The following MTHFD1L variants were observed in gnomAD, a reference collection of about 807,000 sequenced individuals.
MTHFD1L encodes methylenetetrahydrofolate dehydrogenase (NADP+ dependent) 1 like.
In MTHFD1L, 81 loss-of-function variants were observed where a neutral mutation model predicts 119.5. The observed-to-expected ratio is 0.68, with a 90% CI of 0.57 to 0.82. The LOEUF is 0.82. MTHFD1L is among the 40% of genes least tolerant of loss of function. MTHFD1L has a pLI of 0.00. For missense variants in MTHFD1L, 1,125 were observed against 1,253.4 expected (o/e 0.90, Z 1.55); for synonymous variants, 430 against 475.2 (o/e 0.90, Z 1.24).
At position 150,969,279 on chromosome 6, in the gene MTHFD1L, G is replaced by C. The variant is rs368499169; in HGVS notation, c.2014-2668G>C. ...TTATAGGTGTGAGCCACCGTGCCCG[G>C]CCTGAGCACTTTTTAAAACATAATC... On this transcript the variant is annotated intron_variant, in intron 19 of 27. Transcript: ENST00000367321. 3.4e-4 allele frequency among the ~76,000 whole-genome samples: 52 copies of C among 152,302 alleles called. 1 individual carries two copies. In the South Asian group the frequency reaches 9.9e-3, roughly 29 times the overall value.
chr6:151,042,880 A>G (rs182531628), intron 26 of MTHFD1L, among the ~76,000 whole-genome samples: 10 of 152,308 alleles, frequency 6.6e-5, no homozygotes, highest in Admixed American at 6.5e-4. Flanking sequence ...ACATGAAAAT[A>G]CAGTAAATAG....
intron 20 of MTHFD1L, among the ~76,000 whole-genome samples, chr6:150,978,121 G>A (rs567480956): frequency 2.0e-5 from 3 of 151,946 alleles, no homozygotes; most frequent in East Asian, 1.9e-4. Context: ...GGCTGGTCTC[G>A]AACTGACCTC....
At chr6:151,089,919 A>G (rs1462697692) in intron 26 of MTHFD1L, among the ~76,000 whole-genome samples, 1 of 152,184 alleles carries the variant, frequency 6.6e-6, no homozygotes, top group Non-Finnish European at 1.5e-5. Context: ...GTCCCCACCT[A>G]CAAGCAGGTC....
At chr6:151,019,360 G>C (rs1263467950) in intron 24 of MTHFD1L, among the ~76,000 whole-genome samples, 1 of 152,072 alleles carries the variant, frequency 6.6e-6, no homozygotes, top group Non-Finnish European at 1.5e-5. Flanking sequence ...AAAGAGGTCA[G>C]TAATCAGAAG....
At chr6:150,866,407 G>C (rs1778324646) in intron 1 of MTHFD1L, 8 of 1,365,344 alleles carry the variant, frequency 5.9e-6, no homozygotes, top group Non-Finnish European at 7.5e-6. Flanking sequence ...CGGTGCGGCT[G>C]GGGCGGAAAC....
At chr6:151,004,317 T>C (rs550388649) in intron 20 of MTHFD1L, among the ~76,000 whole-genome samples, 1 of 152,208 alleles carries the variant, frequency 6.6e-6, no homozygotes, top group East Asian at 1.9e-4. Context: ...AGAATGAGAC[T>C]CCATCTCAAA....
intron 18 of MTHFD1L, among the ~76,000 whole-genome samples, chr6:150,963,583 T>A (rs548676069): frequency 6.6e-6 from 1 of 152,284 alleles, no homozygotes; most frequent in East Asian, 1.9e-4. Flanking sequence ...ACCAATCACA[T>A]GAGAGAAACA....
At chr6:151,068,519 G>T (rs541470308) in intron 26 of MTHFD1L, among the ~76,000 whole-genome samples, 1 of 152,098 alleles carries the variant, frequency 6.6e-6, no homozygotes, top group African/African-American at 2.4e-5. Flanking sequence ...TACAACATCC[G>T]TATGCTTTCC....
chr6:150,908,158 T>G (rs1786257069), intron 8 of MTHFD1L, among the ~76,000 whole-genome samples: 1 of 150,130 alleles, frequency 6.7e-6, no homozygotes, highest in South Asian at 2.2e-4. Flanking sequence ...TCCACCCACC[T>G]CGGCCTCCCA....
At chr6:150,900,052 C>T (rs1784880540) in intron 7 of MTHFD1L, among the ~76,000 whole-genome samples, 1 of 149,704 alleles carries the variant, frequency 6.7e-6, no homozygotes, top group Non-Finnish European at 1.5e-5. Context: ...AATGAATAAA[C>T]AAGGCATCTG....
chr6:150,991,246 A>G (rs1488744593), intron 20 of MTHFD1L, among the ~76,000 whole-genome samples: 1 of 151,934 alleles, frequency 6.6e-6, no homozygotes, highest in Non-Finnish European at 1.5e-5. Flanking sequence ...TTAAACATAA[A>G]GCTTCCAGGA....
At chr6:151,060,362 A>G (rs1790471745) in intron 26 of MTHFD1L, among the ~76,000 whole-genome samples, 1 of 152,200 alleles carries the variant, frequency 6.6e-6, no homozygotes, top group African/African-American at 2.4e-5. Context: ...TTTAATATTT[A>G]TTGAGGAGTG....
intron 10 of MTHFD1L, among the ~76,000 whole-genome samples, chr6:150,924,120 C>A (rs1255379882): frequency 1.3e-5 from 2 of 152,168 alleles, no homozygotes; most frequent in Admixed American, 1.3e-4. Context: ...GATTTCTAGA[C>A]CCACTGGGCA....
At chr6:151,015,732 C>T (rs751188022) in intron 24 of MTHFD1L, 39 bp downstream of exon 24, 2 of 1,597,118 alleles carry the variant, frequency 1.3e-6, no homozygotes, top group East Asian at 4.5e-5. Context: ...ATTTCTTACA[C>T]CTTAGCATGG....
At chr6:151,037,702 G>A (rs1198939647) in intron 26 of MTHFD1L, among the ~76,000 whole-genome samples, 1 of 152,180 alleles carries the variant, frequency 6.6e-6, no homozygotes, top group Non-Finnish European at 1.5e-5. Flanking sequence ...TAAAGGAGAT[G>A]GGCAGATAAA....
At chr6:151,034,975 G>A (rs1479704005) in intron 25 of MTHFD1L, among the ~76,000 whole-genome samples, 1 of 136,358 alleles carries the variant, frequency 7.3e-6, no homozygotes, top group Non-Finnish European at 1.6e-5. Context: ...CTTCCTTACA[G>A]GCCTCTTACT....
Position 150,887,842 on chromosome 6 carries a change from T to C in MTHFD1L, c.644-3T>C, listed in dbSNP as rs763170805. ...TAATATTGAATTTTCATTTGGTTAG[T>C]AGGTGTCAACCTAGATGGAAAGAAG... On this transcript the variant is annotated splice_polypyrimidine_tract_variant and splice_region_variant and intron_variant, in intron 6 of 27. Transcript: ENST00000367321. 5.1e-5 allele frequency: 81 copies of C among 1,589,294 alleles called. No homozygotes were observed. Among genetic ancestry groups the C allele is most frequent in the Admixed American group, 4.5e-4 (24 of 53,534 alleles).
chr6:151,051,119 T>G (rs901427073), intron 26 of MTHFD1L, among the ~76,000 whole-genome samples: 1 of 152,154 alleles, frequency 6.6e-6, no homozygotes, highest in Non-Finnish European at 1.5e-5. Flanking sequence ...ACCCCGTCAC[T>G]CCATTACCTT....
chr6:151,019,216 C>CTCTGATCACGCCATCTGATGCCA (rs372055456), intron 24 of MTHFD1L, among the ~76,000 whole-genome samples: 1 of 151,976 alleles, frequency 6.6e-6, no homozygotes, highest in Non-Finnish European at 1.5e-5. Context: ...GTGAGTGTGC[C>CTCTGATCACGCCATCTGATGCCA]TCTGATCATG....
Sources: allele counts gnomAD v4.1 joint callset (sites outside exome capture counted in the v4.1 genomes callset), GRCh38; gene constraint gnomAD v4.1.1; transcripts MANE v1.5; gene names NCBI Gene and HGNC (gene_info 2026-07-23, HGNC 2026-07-21).